DAB1: variants seen among roughly 807,000 people sequenced by gnomAD.
The protein encoded by DAB1 is disabled homolog 1.
In DAB1, 15 loss-of-function variants were observed where a neutral mutation model predicts 64.6. The ratio of observed to expected loss-of-function variants is 0.23; its 90% CI spans 0.16 to 0.36. The LOEUF (loss-of-function observed/expected upper bound fraction) is 0.36. Ranked by LOEUF, DAB1 falls within the 10% of genes least tolerant of loss-of-function variation. DAB1 has a pLI of 1.00. For missense variants in DAB1, 596 were observed against 706.7 expected (o/e 0.84, Z 1.78); for synonymous variants, 235 against 251.9 (o/e 0.93, Z 0.64).
intron 4 of DAB1, among the ~76,000 whole-genome samples, chr1:58,200,354 T>C (rs531094254): frequency 6.6e-6 from 1 of 152,336 alleles, no homozygotes; most frequent in East Asian, 1.9e-4. Flanking sequence ...ATGCCATTCC[T>C]TTGTCCACCC....
At chr1:57,241,458 A>C (rs1374548654) in intron 2 of DAB1, among the ~76,000 whole-genome samples, 6 of 152,194 alleles carry the variant, frequency 3.9e-5, no homozygotes, top group Admixed American at 3.3e-4. Flanking sequence ...ACCAGGGCAC[A>C]AAATAGACCA....
rs369126204 is a variant in DAB1, at chr1:57,585,013, G to A, written n.625+64579C>T. Among the ~76,000 whole-genome samples, 6 of 152,294 alleles carry A rather than the reference G, an allele frequency of 3.9e-5. No homozygotes were observed. The South Asian group carries it at 8.3e-4, about 21-fold the overall frequency. On this transcript the variant is annotated intron_variant and non_coding_transcript_variant, in intron 7 of 20. Coordinates refer to the DAB1 transcript ENST00000485760. ...ACGCCTGTAATCCCAACACTTGGGA[G>A]GCCAAGGTGGGCAGATCACAAGGTC... is the stretch of plus-strand genomic sequence containing the variant.
chr1:58,079,893 A>G (rs1188404502), intron 5 of DAB1: 1 of 152,136 alleles, frequency 6.6e-6, no homozygotes, highest in South Asian at 2.1e-4. Flanking sequence ...CAGGGATCGA[A>G]TTTTAAGTGT....
intron 5 of DAB1, among the ~76,000 whole-genome samples, chr1:57,895,850 T>C (rs1644384496): frequency 6.6e-6 from 1 of 152,190 alleles, no homozygotes; most frequent in Non-Finnish European, 1.5e-5. Flanking sequence ...TAAAAATCTC[T>C]GCAGAATTTC....
At chr1:57,893,678 C>T (rs1644350509) in intron 5 of DAB1, among the ~76,000 whole-genome samples, 1 of 152,090 alleles carries the variant, frequency 6.6e-6, no homozygotes, top group African/African-American at 2.4e-5. Flanking sequence ...TAGCAAGTAG[C>T]TAGTCAGACA....
At chr1:57,990,720 C>A (rs1428283593) in intron 5 of DAB1, among the ~76,000 whole-genome samples, 3 of 152,120 alleles carry the variant, frequency 2.0e-5, no homozygotes, top group Non-Finnish European at 4.4e-5. Context: ...AATCTAGGGG[C>A]AGCAGTATGC....
intron 2 of DAB1, among the ~76,000 whole-genome samples, chr1:57,182,353 G>A (rs1663061696): frequency 6.6e-6 from 1 of 152,204 alleles, no homozygotes; most frequent in South Asian, 2.1e-4. Context: ...GAACATTGAA[G>A]GAATTATAAT....
At position 58,536,493 on chromosome 1, in the gene DAB1, A is replaced by G. The variant is rs764691914; in HGVS notation, n.33-9158T>C. ...GTGTTATATTAAGCAGTCTAATTAA[A>G]AACAACTCTTACTACTTACTGCTTC... On this transcript the variant is annotated intron_variant and non_coding_transcript_variant, in intron 1 of 20. Coordinates refer to the DAB1 transcript ENST00000485760. 4.7e-6 allele frequency: 4 copies of G among 855,678 alleles called. No individual in the cohort carries two copies. The African/African-American group carries it at 6.6e-5, about 14-fold the overall frequency. 53.0% of individuals were successfully genotyped at this position (855,678 alleles called of 1,614,324 possible).
At chr1:58,371,592 T>C (rs537337939) in intron 3 of DAB1, among the ~76,000 whole-genome samples, 27 of 152,240 alleles carry the variant, frequency 1.8e-4, no homozygotes, top group African/African-American at 6.0e-4. Flanking sequence ...ACCAAGATAA[T>C]GGGGAAAATG....
At chr1:58,488,155 T>A (rs1645609547) in intron 3 of DAB1, among the ~76,000 whole-genome samples, 1 of 152,184 alleles carries the variant, frequency 6.6e-6, no homozygotes, top group Non-Finnish European at 1.5e-5. Flanking sequence ...TATAACTACA[T>A]CATTATAAAG....
At chr1:58,419,232 G>A (rs1007559083) in intron 3 of DAB1, among the ~76,000 whole-genome samples, 7 of 152,020 alleles carry the variant, frequency 4.6e-5, no homozygotes, top group African/African-American at 1.7e-4. Context: ...ATACATCTAG[G>A]GTCAAATCCT....
intron 9 of DAB1, among the ~76,000 whole-genome samples, chr1:57,038,406 A>G (rs1433827289): frequency 1.3e-5 from 2 of 152,332 alleles, no homozygotes; most frequent in East Asian, 3.9e-4. Flanking sequence ...AAGCTTCATT[A>G]GAACTGAAAC....
rs1477496704 is a variant in DAB1 at position 57,605,787 on chromosome 1, T to C, written n.625+43805A>G. On this transcript the variant is annotated intron_variant and non_coding_transcript_variant, in intron 7 of 20. Coordinates refer to the DAB1 transcript ENST00000485760. ...TTGATGGCCTTGGGTACCATATTCA[T>C]GATTTGCATTTTTTTTTTTATTTTA... 7 of 338,408 alleles carry C rather than the reference T, an allele frequency of 2.1e-5. No individual in the cohort carries two copies. The Admixed American group carries it at 2.9e-4, about 14-fold the overall frequency. The allele number at this position is 338,408 out of a possible 1,614,324, so 21.0% of individuals were successfully genotyped here.
intron 4 of DAB1, among the ~76,000 whole-genome samples, chr1:57,125,669 T>G (rs976008806): frequency 2.0e-5 from 3 of 151,980 alleles, no homozygotes; most frequent in African/African-American, 7.2e-5. Context: ...AGACCAAAGG[T>G]TGAGATTTAA....
chr1:57,698,057 G>T (rs1400409018), intron 6 of DAB1, among the ~76,000 whole-genome samples: 4 of 150,386 alleles, frequency 2.7e-5, no homozygotes, highest in East Asian at 3.9e-4. Context: ...CCTTACATCT[G>T]TTACTCCTTT....
At chr1:57,463,689 A>G (rs1686862597) in intron 7 of DAB1, among the ~76,000 whole-genome samples, 1 of 152,094 alleles carries the variant, frequency 6.6e-6, no homozygotes, top group Non-Finnish European at 1.5e-5. Flanking sequence ...ATTCGACAGG[A>G]TTCTATTGGA....
intron 1 of DAB1, among the ~76,000 whole-genome samples, chr1:57,392,010 C>T (rs1285851887): frequency 6.6e-6 from 1 of 152,108 alleles, no homozygotes; most frequent in Non-Finnish European, 1.5e-5. Flanking sequence ...CCAGATCAGA[C>T]TCATTCAGGT....
In DAB1 at chr1:57,566,791, A is replaced by C. The variant is rs1340241821; in HGVS notation, n.625+82801T>G. The stretch of plus-strand genomic sequence containing the variant: ...AAATTGAGGCAATAATTAATAGCCT[A>C]CCAACCAAAAAAAGTCCAGGACCAG... On this transcript the variant is annotated intron_variant and non_coding_transcript_variant, in intron 7 of 20. Coordinates refer to the DAB1 transcript ENST00000485760. Among the ~76,000 whole-genome samples the C allele has an allele frequency of 2.0e-5, 3 of 152,236 alleles. No individual in the cohort carries two copies. In the East Asian group the frequency reaches 5.8e-4, roughly 29 times the overall value.
intron 4 of DAB1, among the ~76,000 whole-genome samples, chr1:58,290,698 A>G (rs1053457400): frequency 6.6e-6 from 1 of 152,146 alleles, no homozygotes; most frequent in African/African-American, 2.4e-5. Context: ...AATGTACATC[A>G]TCCTTAGGGA....
Sources: allele counts gnomAD v4.1 joint callset (sites outside exome capture counted in the v4.1 genomes callset), GRCh38; gene constraint gnomAD v4.1.1; transcripts MANE v1.5; gene names NCBI Gene and HGNC (gene_info 2026-07-23, HGNC 2026-07-21).